The following FSTL5 variants were observed in gnomAD, a reference collection of about 807,000 sequenced individuals.
FSTL5 encodes the protein follistatin-related protein 5.
In FSTL5, 62 loss-of-function variants were observed where a neutral mutation model predicts 89.1. That is an observed-to-expected ratio of 0.70 (90% CI 0.57 to 0.86). FSTL5 has a LOEUF of 0.86. Ranked by LOEUF, FSTL5 falls within the 40% of genes least tolerant of loss-of-function variation. The pLI is 0.00. For synonymous variants in FSTL5, 383 were observed against 346.2 expected, an observed-to-expected ratio of 1.11 and a Z score of -1.18; for missense variants, 1,057 against 1,001.6, an observed-to-expected ratio of 1.06 and a Z score of -0.75.
intron 3 of FSTL5, among the ~76,000 whole-genome samples, chr4:161,968,596 A>C (rs1470934020): frequency 6.6e-6 from 1 of 152,052 alleles, no homozygotes; most frequent in African/African-American, 2.4e-5. Context: ...AAAATTTGGT[A>C]ACCTGGAGGT....
intron 12 of FSTL5, among the ~76,000 whole-genome samples, chr4:161,483,681 T>C (rs1012226598): frequency 6.6e-6 from 1 of 152,154 alleles, no homozygotes; most frequent in Non-Finnish European, 1.5e-5. Flanking sequence ...AGATTAACAT[T>C]GATTTCTATG....
intron 15 of FSTL5, among the ~76,000 whole-genome samples, chr4:161,437,078 A>G (rs1732582073): frequency 6.6e-6 from 1 of 152,196 alleles, no homozygotes; most frequent in Non-Finnish European, 1.5e-5. Flanking sequence ...AAGCTTGCAT[A>G]TAACGCCATT....
At chr4:161,427,444 C>A (rs989415341) in intron 15 of FSTL5, among the ~76,000 whole-genome samples, 1 of 152,190 alleles carries the variant, frequency 6.6e-6, no homozygotes, top group Admixed American at 6.5e-5. Flanking sequence ...GGATTCACTG[C>A]ATAAGGATTT....
intron 4 of FSTL5, among the ~76,000 whole-genome samples, chr4:161,808,216 T>C (rs1483431677): frequency 6.6e-6 from 1 of 152,116 alleles, no homozygotes; most frequent in African/African-American, 2.4e-5. Context: ...GATTGAGTGA[T>C]AGATGGCCAA....
intron 15 of FSTL5, among the ~76,000 whole-genome samples, chr4:161,415,737 T>C (rs1731753665): frequency 6.9e-6 from 1 of 144,054 alleles, no homozygotes; most frequent in Admixed American, 7.3e-5. Flanking sequence ...TATATATATG[T>C]ATGATATATA....
chr4:161,682,094 C>G (rs1389339270), intron 6 of FSTL5, among the ~76,000 whole-genome samples: 2 of 152,054 alleles, frequency 1.3e-5, no homozygotes, highest in East Asian at 3.9e-4. Context: ...CTAAATATTT[C>G]TAAACATAGA....
At position 161,962,559 on chromosome 4, in the gene FSTL5, C is replaced by T. The variant is rs928886535; in HGVS notation, c.161-41907G>A. Among the ~76,000 whole-genome samples the T allele has an allele frequency of 5.3e-5, 8 of 150,644 alleles. No individual in the cohort carries two copies. The South Asian group carries it at 1.0e-3, about 20-fold the overall frequency. ...TGTGATTCTTTTTTTTTTAATTCCTCGGAGTATTAATGAGCCCGCATTGCT... is the reference window on the plus strand; with the variant it reads ...TGTGATTCTTTTTTTTTTAATTCCTTGGAGTATTAATGAGCCCGCATTGCT... On this transcript the variant is annotated intron_variant, in intron 3 of 15. Coordinates refer to ENST00000306100, the MANE Select transcript of FSTL5 (RefSeq NM_020116.5).
rs533652238 is a variant in FSTL5 at position 161,992,974 on chromosome 4, A to C, written c.160+40651T>G. 6.4e-3 allele frequency among the ~76,000 whole-genome samples: 903 copies of C among 140,762 alleles called. 44 individuals are homozygous for C. Among genetic ancestry groups the C allele is most frequent in the African/African-American group, 0.023 (854 of 37,762 alleles). The allele number at this position is 140,762 out of a possible 152,430, so 92.3% of individuals were successfully genotyped here. A position where few individuals can be genotyped will look rare whatever the true frequency, so the allele number is the denominator to read the frequency against. On this transcript the variant is annotated intron_variant, in intron 3 of 15. Transcript: ENST00000306100. ...TATCTATATATATATGTGTGTATAT[A>C]TATATATGCAAGTAGTGACATGTTT...
chr4:161,849,598 T>C (rs994367161), intron 4 of FSTL5, among the ~76,000 whole-genome samples: 1 of 151,976 alleles, frequency 6.6e-6, no homozygotes, highest in Non-Finnish European at 1.5e-5. Flanking sequence ...TTTCCCTGTC[T>C]TTTTTGTTCA....
At chr4:162,148,178 A>AT (rs1733074720) in intron 1 of FSTL5, among the ~76,000 whole-genome samples, 1 of 152,210 alleles carries the variant, frequency 6.6e-6, no homozygotes, top group Non-Finnish European at 1.5e-5. Flanking sequence ...AAATAAATAT[A>AT]TTAACATTGA....
At chr4:161,391,895 C>T (rs942009737) in intron 15 of FSTL5, among the ~76,000 whole-genome samples, 1 of 152,168 alleles carries the variant, frequency 6.6e-6, no homozygotes, top group African/African-American at 2.4e-5. Context: ...AAACCACAGG[C>T]TATTCTCCCA....
At chr4:161,599,135 G>T (rs2126621837) in intron 7 of FSTL5, among the ~76,000 whole-genome samples, 1 of 152,154 alleles carries the variant, frequency 6.6e-6, no homozygotes, top group African/African-American at 2.4e-5. Flanking sequence ...ATAGAAAAAT[G>T]AAGATTTGAA....
intron 15 of FSTL5, among the ~76,000 whole-genome samples, chr4:161,391,984 T>C (rs978596621): frequency 6.6e-6 from 1 of 152,126 alleles, no homozygotes; most frequent in Non-Finnish European, 1.5e-5. Context: ...ACTTTTAGAC[T>C]TTTTTTCCTT....
chr4:161,734,894 G>A (rs943417654), intron 6 of FSTL5, among the ~76,000 whole-genome samples: 2 of 151,024 alleles, frequency 1.3e-5, no homozygotes, highest in Admixed American at 1.3e-4. Context: ...ACGTCTAGGG[G>A]CTTTTCCCCA....
intron 11 of FSTL5, among the ~76,000 whole-genome samples, chr4:161,504,895 A>G (rs1052317038): frequency 6.6e-6 from 1 of 152,074 alleles, no homozygotes; most frequent in Non-Finnish European, 1.5e-5. Flanking sequence ...CAATTTGATT[A>G]ATTTCTGATC....
intron 4 of FSTL5, among the ~76,000 whole-genome samples, chr4:161,781,867 C>T (rs1160140289): frequency 6.6e-6 from 1 of 152,166 alleles, no homozygotes; most frequent in Non-Finnish European, 1.5e-5. Context: ...AATAGTTTTA[C>T]TGCCCTAAAA....
chr4:161,738,214 G>T (rs759579901), intron 6 of FSTL5, among the ~76,000 whole-genome samples: 1 of 151,866 alleles, frequency 6.6e-6, no homozygotes, highest in Non-Finnish European at 1.5e-5. Context: ...TCAATTTTAC[G>T]TAAAGAAAAT....
intron 13 of FSTL5, among the ~76,000 whole-genome samples, chr4:161,467,578 CG>C (rs1002878013): frequency 6.6e-6 from 1 of 151,902 alleles, no homozygotes; most frequent in Non-Finnish European, 1.5e-5. Context: ...GTTTTAAATT[CG>C]GGAAAAACCT....
intron 7 of FSTL5, among the ~76,000 whole-genome samples, chr4:161,640,783 C>T (rs554885841): frequency 6.6e-6 from 1 of 152,246 alleles, no homozygotes; most frequent in South Asian, 2.1e-4. Context: ...TAATAAAAGA[C>T]ATGAATCTTA....
Sources: allele counts gnomAD v4.1 joint callset (sites outside exome capture counted in the v4.1 genomes callset), GRCh38; gene constraint gnomAD v4.1.1; transcripts MANE v1.5; gene names NCBI Gene and HGNC (gene_info 2026-07-23, HGNC 2026-07-21).